Variants in KIRREL3 observed in about 807,000 individuals in gnomAD.
KIRREL3 encodes the protein kirre like nephrin family adhesion molecule 3.
Under a neutral mutation model 89.7 loss-of-function variants are expected in KIRREL3, and 36 were observed. That is an observed-to-expected ratio of 0.40 (90% CI 0.31 to 0.53). The LOEUF (loss-of-function observed/expected upper bound fraction) is 0.53, where lower values mean the gene tolerates loss of function less well. Ranked by LOEUF, KIRREL3 falls within the 20% of genes least tolerant of loss-of-function variation. The pLI is 0.49. For synonymous variants in KIRREL3, 445 were observed against 441.4 expected, an observed-to-expected ratio of 1.01 and a Z score of -0.10; for missense variants, 864 against 1,056.6, an observed-to-expected ratio of 0.82 and a Z score of 2.53.
At position 126,744,380 on chromosome 11, in the gene KIRREL3, A is replaced by T. The variant is rs1949076572; in HGVS notation, c.56-181468T>A. Among the ~76,000 whole-genome samples the T allele has an allele frequency of 6.6e-6, 1 of 152,144 alleles. No homozygotes were observed. Among genetic ancestry groups the T allele is most frequent in the Admixed American group, 6.5e-5 (1 of 15,280 alleles). Reference sequence around the variant, plus strand: ...CCAGAGAGGATGAAAGGGAAGCTGGAGGCAGGGAGGTCAGGACTGCCATAC... The same window carrying T: ...CCAGAGAGGATGAAAGGGAAGCTGGTGGCAGGGAGGTCAGGACTGCCATAC... On this transcript the variant is annotated intron_variant, in intron 1 of 16. Transcript: ENST00000525144. This position sits in a 1 kb window ranked among gnomAD's most constrained non-coding sequence, Gnocchi z 4.7.
rs1254010663 is a variant in KIRREL3 at position 126,687,588 on chromosome 11, C to T, written c.56-124676G>A. On this transcript the variant is annotated intron_variant, in intron 1 of 16. Transcript: ENST00000525144. The surrounding 1 kb of genome is among the most constrained non-coding windows in gnomAD (Gnocchi z 4.6). ...GTCTACTTCCTAAGACATTCTTCTG[C>T]TACCATCTCTTGCATGCTCAGTTCA... Among the ~76,000 whole-genome samples the T allele has an allele frequency of 2.0e-5, 3 of 152,178 alleles. No homozygotes were observed. The highest frequency in any genetic ancestry group is 7.2e-5 in the African/African-American group (3 of 41,440).
Position 126,471,763 on chromosome 11 carries a change from T to A in KIRREL3, c.591+1546A>T, listed in dbSNP as rs908965686. On this transcript the variant is annotated intron_variant, in intron 5 of 16. Transcript: ENST00000525144. This position sits in a 1 kb window ranked among gnomAD's most constrained non-coding sequence, Gnocchi z 5.4. ...GGTCTGCTTTGATATAAAGCCTGCTTGCTATCTCCAGGAATTAGCTTACCC... is the reference window on the plus strand; with the variant it reads ...GGTCTGCTTTGATATAAAGCCTGCTAGCTATCTCCAGGAATTAGCTTACCC... 1.3e-5 allele frequency among the ~76,000 whole-genome samples: 2 copies of A among 152,144 alleles called. No homozygotes were observed. The highest frequency in any genetic ancestry group is 4.8e-5 in the African/African-American group (2 of 41,418).
Position 126,978,707 on chromosome 11 carries a change from C to G in KIRREL3, c.55+21748G>C, listed in dbSNP as rs7105376. Among the ~76,000 whole-genome samples the G allele has an allele frequency of 0.032, 4,806 of 152,212 alleles. 279 individuals are homozygous for G. The highest frequency in any genetic ancestry group is 0.11 in the African/African-American group (4,529 of 41,516). Reference sequence around the variant, plus strand: ...ATTTTCTTAGCTAATGTCCACTCTGCCCTGGAGCTTTGCTTCATGGTGGGA... The same window carrying G: ...ATTTTCTTAGCTAATGTCCACTCTGGCCTGGAGCTTTGCTTCATGGTGGGA... On this transcript the variant is annotated intron_variant, in intron 1 of 16. Transcript: ENST00000525144. This position sits in a 1 kb window ranked among gnomAD's most constrained non-coding sequence, Gnocchi z 4.2.
rs561445388 is a variant in KIRREL3, at chr11:126,926,465, C to T, written c.55+73990G>A. Reference sequence around the variant, plus strand: ...CACGCACCTTCCTCCCTGGGCTCTGCCAAGGTAGGTCACGGCTCTGAGAGA... The same window carrying T: ...CACGCACCTTCCTCCCTGGGCTCTGTCAAGGTAGGTCACGGCTCTGAGAGA... On this transcript the variant is annotated intron_variant, in intron 1 of 16. Transcript: ENST00000525144. Among the ~76,000 whole-genome samples the T allele has an allele frequency of 2.0e-5, 3 of 152,254 alleles. No individual in the cohort carries two copies. The South Asian group carries it at 6.2e-4, about 32-fold the overall frequency.
chr11:126,733,088 C>T (rs1948686931), intron 1 of KIRREL3, among the ~76,000 whole-genome samples: 1 of 152,212 alleles, frequency 6.6e-6, no homozygotes, highest in Admixed American at 6.5e-5. Flanking sequence ...AAGAGTGCAA[C>T]CCTCCAATTC....
chr11:126,991,026 G>A lies in KIRREL3; in HGVS notation c.55+9429C>T, dbSNP rs769518025. ...TGGACTGTCACACTGCACCAGAGCCGAGTCACCTGTGACATTTGCAGGTGA... is the reference window on the plus strand; with the variant it reads ...TGGACTGTCACACTGCACCAGAGCCAAGTCACCTGTGACATTTGCAGGTGA... On this transcript the variant is annotated intron_variant, in intron 1 of 16. Coordinates refer to ENST00000525144, the MANE Select transcript of KIRREL3 (RefSeq NM_032531.4). This position sits in a 1 kb window ranked among gnomAD's most constrained non-coding sequence, Gnocchi z 5.8. 1.3e-5 allele frequency among the ~76,000 whole-genome samples: 2 copies of A among 152,214 alleles called. No homozygotes were observed. The highest frequency in any genetic ancestry group is 2.9e-5 in the Non-Finnish European group (2 of 68,050).
chr11:126,925,202 C>T (rs373889536), intron 1 of KIRREL3, among the ~76,000 whole-genome samples: 3 of 152,032 alleles, frequency 2.0e-5, no homozygotes, highest in South Asian at 4.2e-4. Flanking sequence ...ACCATTGCAA[C>T]CCCCTGGTAA....
intron 5 of KIRREL3, among the ~76,000 whole-genome samples, chr11:126,468,209 G>T (rs1319980396): frequency 6.6e-6 from 1 of 152,188 alleles, no homozygotes; most frequent in Non-Finnish European, 1.5e-5. Flanking sequence ...GTGGACTTGG[G>T]GGCTTTCCAG....
At position 126,655,458 on chromosome 11, in the gene KIRREL3, C is replaced by T. The variant is rs190902190; in HGVS notation, c.56-92546G>A. 6.6e-6 allele frequency among the ~76,000 whole-genome samples: 1 copy of T among 152,138 alleles called. No individual in the cohort carries two copies. Among genetic ancestry groups the T allele is most frequent in the Non-Finnish European group, 1.5e-5 (1 of 68,012 alleles). On this transcript the variant is annotated intron_variant, in intron 1 of 16. Coordinates refer to ENST00000525144, the MANE Select transcript of KIRREL3 (RefSeq NM_032531.4). The surrounding 1 kb of genome is among the most constrained non-coding windows in gnomAD (Gnocchi z 5.0). Reference sequence around the variant, plus strand: ...TTCTCCTTCACCCCTCCACTCCCCCCACAAACAACTGAATTTGGAAGGTTA... The same window carrying T: ...TTCTCCTTCACCCCTCCACTCCCCCTACAAACAACTGAATTTGGAAGGTTA...
At chr11:126,638,011 G>A (rs1043686160) in intron 1 of KIRREL3, among the ~76,000 whole-genome samples, 1 of 152,222 alleles carries the variant, frequency 6.6e-6, no homozygotes, top group African/African-American at 2.4e-5. Flanking sequence ...AGAGAATTTA[G>A]CTTTGCAGAG....
intron 1 of KIRREL3, among the ~76,000 whole-genome samples, chr11:126,842,849 C>T (rs1345142095): frequency 6.6e-6 from 1 of 152,224 alleles, no homozygotes. Context: ...CTGGGCCGAC[C>T]ATGAGTTTGA....
Position 127,000,621 on chromosome 11 carries a change from C to A in KIRREL3, c.-112G>T, listed in dbSNP as rs1447293861. 1.8e-6 allele frequency: 2 copies of A among 1,114,354 alleles called. No homozygotes were observed. The highest frequency in any genetic ancestry group is 1.4e-5 in the South Asian group (1 of 69,282). The allele number at this position is 1,114,354 out of a possible 1,614,324, so 69.0% of individuals were successfully genotyped here. A position where few individuals can be genotyped will look rare whatever the true frequency, so the allele number is the denominator to read the frequency against. On this transcript the variant is annotated 5_prime_UTR_variant, in exon 1 of 17. An upstream start codon of the reference 5' UTR is lost. Coordinates refer to ENST00000525144, the MANE Select transcript of KIRREL3 (RefSeq NM_032531.4). This position sits in a 1 kb window ranked among gnomAD's most constrained non-coding sequence, Gnocchi z 7.1. ...CCGGTCCTCTCGGGTTCGCGCCTACCATCTGTCCGTCCGTGGGTCCCTCCG... is the reference window on the plus strand; with the variant it reads ...CCGGTCCTCTCGGGTTCGCGCCTACAATCTGTCCGTCCGTGGGTCCCTCCG...
Position 126,908,997 on chromosome 11 carries a change from T to C in KIRREL3, c.55+91458A>G, listed in dbSNP as rs904892155. The stretch of plus-strand genomic sequence containing the variant: ...TAAACAGTTACTTAAATTTGTTATA[T>C]TATTTAAAGTTGTTATGTTAAATTT... On this transcript the variant is annotated intron_variant, in intron 1 of 16. Coordinates refer to ENST00000525144, the MANE Select transcript of KIRREL3 (RefSeq NM_032531.4). This position sits in a 1 kb window ranked among gnomAD's most constrained non-coding sequence, Gnocchi z 4.2. 2.0e-5 allele frequency among the ~76,000 whole-genome samples: 3 copies of C among 152,232 alleles called. No individual in the cohort carries two copies. The highest frequency in any genetic ancestry group is 4.4e-5 in the Non-Finnish European group (3 of 68,044).
chr11:126,496,740 G>C lies in KIRREL3; in HGVS notation c.434-23274C>G, dbSNP rs565767600. On this transcript the variant is annotated intron_variant, in intron 4 of 16. Transcript: ENST00000525144. The surrounding 1 kb of genome is among the most constrained non-coding windows in gnomAD (Gnocchi z 4.9). ...CGCTCAGAAATGTTGGAGGGCCTGC[G>C]TGCGAACTCAAGGCCTGAGGCTGTA... 6.6e-6 allele frequency among the ~76,000 whole-genome samples: 1 copy of C among 151,932 alleles called. No homozygotes were observed. Among genetic ancestry groups the C allele is most frequent in the African/African-American group, 2.4e-5 (1 of 41,260 alleles).
rs1263096360 is a variant in KIRREL3, at chr11:126,520,720, G to A, written c.433+595C>T. Among the ~76,000 whole-genome samples, 1 of 152,168 alleles carries A rather than the reference G, an allele frequency of 6.6e-6. No homozygotes were observed. Among genetic ancestry groups the A allele is most frequent in the Non-Finnish European group, 1.5e-5 (1 of 68,032 alleles). On this transcript the variant is annotated intron_variant, in intron 4 of 16. Transcript: ENST00000525144. This position sits in a 1 kb window ranked among gnomAD's most constrained non-coding sequence, Gnocchi z 4.9. ...CTCCTGGGAACATAAGATGAAGAAA[G>A]ATCAAGGGGAAAAGTATGATTTGGA...
At chr11:126,632,791 TAAAAA>T (rs755510570) in intron 1 of KIRREL3, among the ~76,000 whole-genome samples, 1 of 48,546 alleles carries the variant, frequency 2.1e-5, no homozygotes, top group Non-Finnish European at 4.7e-5. Context: ...AGTCTAAACT[TAAAAA>T]AAAAAAAAAA....
At chr11:126,507,155 T>A (rs145282425) in intron 4 of KIRREL3, among the ~76,000 whole-genome samples, 1 of 152,178 alleles carries the variant, frequency 6.6e-6, no homozygotes. Flanking sequence ...ATACCATATA[T>A]CCAGAAAAGC....
chr11:126,533,720 C>T lies in KIRREL3; in HGVS notation c.134-7033G>A, dbSNP rs556794234. Among the ~76,000 whole-genome samples, 3 of 152,320 alleles carry T rather than the reference C, an allele frequency of 2.0e-5. No individual in the cohort carries two copies. In the East Asian group the frequency reaches 5.8e-4, roughly 29 times the overall value. On this transcript the variant is annotated intron_variant, in intron 2 of 16. Coordinates refer to ENST00000525144, the MANE Select transcript of KIRREL3 (RefSeq NM_032531.4). ...GTGGTAATGAATGGGGCTCAGGAAT[C>T]AGACTGACCTGGGTTTGAATCCTGG... is the stretch of plus-strand genomic sequence containing the variant.
At chr11:126,832,477 TGA>T (rs1565336167) in intron 1 of KIRREL3, among the ~76,000 whole-genome samples, 1 of 152,184 alleles carries the variant, frequency 6.6e-6, no homozygotes, top group Non-Finnish European at 1.5e-5. Flanking sequence ...TTCCCAGAGC[TGA>T]GACTATCGTG....
Sources: gnomAD v4.1 joint callset for allele counts (sites outside exome capture counted in the v4.1 genomes callset) on GRCh38, gnomAD v4.1.1 for gene constraint, Gnocchi (gnomAD v3.1) non-coding constraint, MANE v1.5 for transcripts, NCBI Gene and HGNC (gene_info 2026-07-23, HGNC 2026-07-21) for gene names.